The following RREB1 variants were observed in gnomAD, a reference collection of about 807,000 sequenced individuals.
The protein encoded by RREB1 is ras-responsive element-binding protein 1.
In RREB1, 27 loss-of-function variants were observed where a neutral mutation model predicts 117.8. The observed-to-expected ratio is 0.23, with a 90% CI of 0.17 to 0.32. The LOEUF is 0.32. RREB1 is among the 10% of genes least tolerant of loss of function. RREB1 has a pLI of 1.00. For synonymous variants in RREB1, 1,298 were observed against 1,026.7 expected (o/e 1.26, Z -5.05); for missense variants, 2,577 against 2,378.2 (o/e 1.08, Z -1.74).
chr6:7,133,233 C>G (rs1762225559), intron 1 of RREB1, among the ~76,000 whole-genome samples: 2 of 152,100 alleles, frequency 1.3e-5, no homozygotes, highest in African/African-American at 4.8e-5. Context: ...ATGTGGAACT[C>G]TGGACTTGCA....
chr6:7,247,290 C>T, intron 12 of RREB1, 69 bp downstream of exon 12: 13 of 1,440,960 alleles, frequency 9.0e-6, no homozygotes, highest in Non-Finnish European at 1.2e-5. Flanking sequence ...CTAGGAGCTC[C>T]CCTGAAGCGG....
At chr6:7,150,530 G>A (rs1763069822) in intron 1 of RREB1, among the ~76,000 whole-genome samples, 1 of 151,614 alleles carries the variant, frequency 6.6e-6, no homozygotes, top group African/African-American at 2.4e-5. Context: ...CTATGCTGAA[G>A]GTAGAAAGTA....
At chr6:7,196,864 C>T (rs1301678141) in intron 6 of RREB1, among the ~76,000 whole-genome samples, 1 of 152,172 alleles carries the variant, frequency 6.6e-6, no homozygotes, top group African/African-American at 2.4e-5. Flanking sequence ...CCTTTCTAAC[C>T]ACAGCTCAGT....
rs140497416 is a variant in RREB1, at chr6:7,195,928, G to A, written c.425+6606G>A. On this transcript the variant is annotated intron_variant, in intron 6 of 12. Transcript: ENST00000379938. ...ACAGATTGGGTGGGCCCTCTGCTGCGGCATGATTCTCTGTAGCGTGGATTT... is the reference window on the plus strand; with the variant it reads ...ACAGATTGGGTGGGCCCTCTGCTGCAGCATGATTCTCTGTAGCGTGGATTT... Among the ~76,000 whole-genome samples, 480 of 152,294 alleles carry A rather than the reference G, an allele frequency of 3.2e-3. 3 individuals are homozygous for A. The highest frequency in any genetic ancestry group is 9.1e-3 in the African/African-American group (379 of 41,570).
chr6:7,130,570 T>C (rs1211755145), intron 1 of RREB1, among the ~76,000 whole-genome samples: 3 of 152,106 alleles, frequency 2.0e-5, no homozygotes, highest in African/African-American at 4.8e-5. Flanking sequence ...GGTTCACTAG[T>C]GAAAGCTGCC....
At chr6:7,111,819 G>T (rs983172314) in intron 1 of RREB1, among the ~76,000 whole-genome samples, 2 of 152,188 alleles carry the variant, frequency 1.3e-5, no homozygotes, top group African/African-American at 4.8e-5. Context: ...ACCTTCCTGA[G>T]GATTTGTGTG....
chr6:7,196,104 C>T (rs2113574246), intron 6 of RREB1, among the ~76,000 whole-genome samples: 1 of 152,234 alleles, frequency 6.6e-6, no homozygotes, highest in South Asian at 2.1e-4. Flanking sequence ...ACGTGGGATG[C>T]ACACCTCCGT....
intron 1 of RREB1, among the ~76,000 whole-genome samples, chr6:7,146,052 A>G (rs914544223): frequency 1.4e-5 from 2 of 139,780 alleles, no homozygotes; most frequent in African/African-American, 5.4e-5. Context: ...CCGTCTCCCC[A>G]CCGCCCCCCA....
At position 7,248,524 on chromosome 6, in the gene RREB1, C is replaced by T; in HGVS notation, c.4785C>T (p.Tyr1595=). ...CCATTGTTCCAGGGGAAAGGCCATA[C>T]AAATGTCAGACCTGCGAGCGAACCT... is the stretch of plus-strand genomic sequence containing the variant. ...HMRSHTGERP[Y]KCQTCERTFT... Residue 1595 remains tyrosine (Y), a synonymous_variant, in exon 13 of 13, where the codon TAC becomes TAT. Coordinates refer to ENST00000379938, the MANE Select transcript of RREB1 (RefSeq NM_001003699.4). The T allele has an allele frequency of 1.2e-6, 2 of 1,614,140 alleles. No homozygotes were observed. The highest frequency in any genetic ancestry group is 1.7e-6 in the Non-Finnish European group (2 of 1,179,978).
intron 1 of RREB1, among the ~76,000 whole-genome samples, chr6:7,122,703 G>A (rs1297769): frequency 0.086 from 13,058 of 152,246 alleles, 804 homozygotes; most frequent in African/African-American, 0.17. Flanking sequence ...GGACTTAAGC[G>A]TATTTTTGAA....
Position 7,229,902 on chromosome 6 carries a change from C to A in RREB1, c.1803C>A (p.Ile601=), listed in dbSNP as rs760871580. 2 of 1,601,624 alleles carry A rather than the reference C, an allele frequency of 1.2e-6. No homozygotes were observed. The highest frequency in any genetic ancestry group is 1.1e-5 in the South Asian group (1 of 90,650). Residue 601 remains isoleucine, a synonymous_variant, in exon 10 of 13, where the codon ATC becomes ATA. Coordinates refer to ENST00000379938, the MANE Select transcript of RREB1 (RefSeq NM_001003699.4). The surrounding 1 kb of genome is among the most constrained non-coding windows in gnomAD (Gnocchi z 4.5). ...AGACGCAGCTGGAGCAGGACAGCAT[C>A]ATCGAGGCCCTGCTGCCGCTGAGCA... The part of the protein sequence containing the change: ...EMKTQLEQDS[I]IEALLPLSME...
chr6:7,210,692 A>C, intron 6 of RREB1, 112 bp from the exon 7 acceptor site: 1 of 846,290 alleles, frequency 1.2e-6, no homozygotes, highest in Non-Finnish European at 1.8e-6. Context: ...TATACCTCAT[A>C]TCTCTTAACT....
chr6:7,126,094 C>T (rs1037216605), intron 1 of RREB1, among the ~76,000 whole-genome samples: 14 of 152,256 alleles, frequency 9.2e-5, no homozygotes, highest in East Asian at 3.9e-4. Context: ...CTCCGCCTCC[C>T]GGGTTCAAGT....
At chr6:7,185,155 C>T (rs905554275) in intron 4 of RREB1, 4 of 152,238 alleles carry the variant, frequency 2.6e-5, no homozygotes, top group African/African-American at 9.7e-5. Flanking sequence ...ATGAGTACGA[C>T]TGGGAATTTG....
intron 11 of RREB1, among the ~76,000 whole-genome samples, chr6:7,241,097 C>T (rs938760856): frequency 1.1e-4 from 17 of 152,054 alleles, no homozygotes; most frequent in African/African-American, 2.4e-4. Flanking sequence ...ACTCTCTTCC[C>T]GGTGTAAGAC....
intron 1 of RREB1, among the ~76,000 whole-genome samples, chr6:7,141,000 G>A (rs988983468): frequency 1.3e-5 from 2 of 152,246 alleles, no homozygotes; most frequent in African/African-American, 4.8e-5. Context: ...CACGGTCTGA[G>A]TAGAGTTGTG....
At chr6:7,132,825 GTGAC>G (rs36013001) in intron 1 of RREB1, among the ~76,000 whole-genome samples, 78,120 of 151,644 alleles carry the variant, frequency 0.52, 21,897 homozygotes, top group Non-Finnish European at 0.63. Context: ...CATTCAGTAA[GTGAC>G]TGTGTTTGTT....
chr6:7,237,762 C>G (rs1197220174), intron 10 of RREB1, among the ~76,000 whole-genome samples: 1 of 152,206 alleles, frequency 6.6e-6, no homozygotes, highest in African/African-American at 2.4e-5. Context: ...TCCTGCATCC[C>G]TGCAATCCAG....
intron 6 of RREB1, among the ~76,000 whole-genome samples, chr6:7,200,271 TGTG>T (rs1765890320): frequency 8.2e-6 from 1 of 122,062 alleles, no homozygotes; most frequent in Non-Finnish European, 1.6e-5. Context: ...TGTGTGTGTG[TGTG>T]TGTGTGTATT....
Sources: allele counts gnomAD v4.1 joint callset (sites outside exome capture counted in the v4.1 genomes callset), GRCh38; gene constraint gnomAD v4.1.1; non-coding constraint Gnocchi (gnomAD v3.1); transcripts MANE v1.5; gene names NCBI Gene and HGNC (gene_info 2026-07-23, HGNC 2026-07-21).